The following THADA variants were observed in gnomAD, a reference collection of about 807,000 sequenced individuals.
THADA encodes THADA armadillo repeat containing, also known as tRNA (32-2'-O)-methyltransferase regulator THADA.
THADA carries 213 observed loss-of-function variants against 219.8 expected under a neutral mutation model. The ratio of observed to expected loss-of-function variants is 0.97; its 90% CI spans 0.87 to 1.09. The LOEUF is 1.09. THADA is among the 50% of genes least tolerant of loss of function. The pLI, the probability that THADA is intolerant of heterozygous loss-of-function variation, is 0.00. For missense variants in THADA, 2,956 were observed against 2,311.3 expected (o/e 1.28, Z -5.72); for synonymous variants, 1,018 against 828.9 (o/e 1.23, Z -3.92).
intron 29 of THADA, among the ~76,000 whole-genome samples, chr2:43,368,994 T>C (rs942008937): frequency 2.6e-5 from 4 of 152,210 alleles, no homozygotes; most frequent in Non-Finnish European, 5.9e-5. Flanking sequence ...AGGATGAGGA[T>C]GTCATGAGGC....
intron 26 of THADA, among the ~76,000 whole-genome samples, chr2:43,440,507 G>A (rs1480992007): frequency 1.3e-5 from 2 of 152,106 alleles, no homozygotes; most frequent in Non-Finnish European, 2.9e-5. Flanking sequence ...GACCACCTCA[G>A]AGCAAAACTG....
chr2:43,556,126 T>G, intron 17 of THADA: 1 of 1,014,142 alleles, frequency 9.9e-7, no homozygotes, highest in Non-Finnish European at 1.3e-6. Flanking sequence ...TAATAAATAT[T>G]TGTATATGTA....
At chr2:43,520,898 AAAG>A (rs1044167527) in intron 22 of THADA, among the ~76,000 whole-genome samples, 9 of 147,672 alleles carry the variant, frequency 6.1e-5, no homozygotes, top group East Asian at 6.0e-4. Context: ...AGAAATTCTT[AAAG>A]AAGGAGGGAG....
At chr2:43,325,316 G>A (rs1171829309) in intron 30 of THADA, among the ~76,000 whole-genome samples, 1 of 150,854 alleles carries the variant, frequency 6.6e-6, no homozygotes, top group Non-Finnish European at 1.5e-5. Context: ...TTTTGGTTTT[G>A]TTTTGTTTTT....
chr2:43,561,039 GCAAAGTCCTAC>G (rs1397368263), intron 15 of THADA, among the ~76,000 whole-genome samples: 3 of 120,432 alleles, frequency 2.5e-5, no homozygotes, highest in Admixed American at 8.4e-5. Flanking sequence ...AAAAAAAAAA[GCAAAGTCCTAC>G]CATATCTTAG....
chr2:43,244,425 C>G (rs1668927669), intron 36 of THADA, among the ~76,000 whole-genome samples: 1 of 152,244 alleles, frequency 6.6e-6, no homozygotes, highest in African/African-American at 2.4e-5. Context: ...GGAGCTGTCA[C>G]AGCCTCCAGC....
At position 43,532,730 on chromosome 2, in the gene THADA, T is replaced by C. The variant is rs142172504; in HGVS notation, c.3265-4742A>G. On this transcript the variant is annotated intron_variant, in intron 21 of 37. Transcript: ENST00000405975. ...CCTCTCTCACCACTCCTATTCAACA[T>C]AGTATTGGAAGTTTTGGCCAGAGCA... Among the ~76,000 whole-genome samples the C allele has an allele frequency of 9.8e-3, 1,486 of 152,226 alleles. 25 individuals carry two copies. The highest frequency in any genetic ancestry group is 0.032 in the African/African-American group (1,312 of 41,526).
intron 30 of THADA, among the ~76,000 whole-genome samples, chr2:43,337,857 T>C (rs749408471): frequency 2.0e-5 from 3 of 152,138 alleles, no homozygotes; most frequent in Non-Finnish European, 2.9e-5. Flanking sequence ...CCTTCAAAAA[T>C]GATGTTTTCA....
chr2:43,321,591 C>G (rs1431290676), intron 30 of THADA, among the ~76,000 whole-genome samples: 1 of 152,190 alleles, frequency 6.6e-6, no homozygotes, highest in Non-Finnish European at 1.5e-5. Flanking sequence ...TTGATTTCCT[C>G]TCTGTCTTGC....
chr2:43,393,913 T>C (rs1365621753), intron 29 of THADA, among the ~76,000 whole-genome samples: 3 of 152,172 alleles, frequency 2.0e-5, no homozygotes, highest in African/African-American at 4.8e-5. Flanking sequence ...CCCTTCCTCA[T>C]GATTGGTGGC....
intron 25 of THADA, among the ~76,000 whole-genome samples, chr2:43,487,650 AAATAATTAAGTCATGGG>A (rs1221897639): frequency 6.6e-6 from 1 of 152,132 alleles, no homozygotes; most frequent in Non-Finnish European, 1.5e-5. Flanking sequence ...GGCCCTTGGG[AAATAATTAAGTCATGGG>A]GGTAGAGCTC....
chr2:43,456,304 T>G (rs1682991269), intron 26 of THADA, among the ~76,000 whole-genome samples: 1 of 152,230 alleles, frequency 6.6e-6, no homozygotes. Context: ...TTCAGCCTAC[T>G]TCCAATGGCA....
At chr2:43,451,259 T>C (rs1291778179) in intron 26 of THADA, among the ~76,000 whole-genome samples, 1 of 152,114 alleles carries the variant, frequency 6.6e-6, no homozygotes, top group Non-Finnish European at 1.5e-5. Context: ...CACCACGAGC[T>C]CCAGAGGCAA....
intron 26 of THADA, among the ~76,000 whole-genome samples, chr2:43,451,800 T>C (rs1260314991): frequency 2.0e-5 from 3 of 152,176 alleles, no homozygotes. Flanking sequence ...ATTTGTCTCA[T>C]CTACTATACT....
chr2:43,316,413 G>T (rs908819052), intron 31 of THADA, among the ~76,000 whole-genome samples: 5 of 152,104 alleles, frequency 3.3e-5, no homozygotes, highest in African/African-American at 7.2e-5. Flanking sequence ...GAAAAAAAAT[G>T]ATCTTTTTCT....
At chr2:43,576,690 T>C (rs892658458) in intron 10 of THADA, among the ~76,000 whole-genome samples, 1 of 152,246 alleles carries the variant, frequency 6.6e-6, no homozygotes, top group African/African-American at 2.4e-5. Context: ...GATCTCACTC[T>C]GTCGCCCAGG....
intron 7 of THADA, among the ~76,000 whole-genome samples, chr2:43,582,692 C>A (rs555996359): frequency 6.6e-6 from 1 of 150,768 alleles, no homozygotes; most frequent in East Asian, 2.0e-4. Flanking sequence ...GCCTCATCCT[C>A]CCAAGTAGCT....
chr2:43,541,090 G>C (rs746810596), intron 21 of THADA, 69 bp downstream of exon 21: 5 of 1,389,108 alleles, frequency 3.6e-6, no homozygotes, highest in African/African-American at 1.5e-5. Context: ...TTAGAGTTGG[G>C]TTATAAAAAA....
intron 26 of THADA, among the ~76,000 whole-genome samples, chr2:43,444,359 C>T (rs758800384): frequency 3.3e-5 from 5 of 152,212 alleles, no homozygotes; most frequent in South Asian, 2.1e-4. Context: ...TCCTCCGGAG[C>T]ACTAACCTTG....
Sources: allele counts gnomAD v4.1 joint callset (sites outside exome capture counted in the v4.1 genomes callset), GRCh38; gene constraint gnomAD v4.1.1; transcripts MANE v1.5; gene names NCBI Gene and HGNC (gene_info 2026-07-23, HGNC 2026-07-21).